Variants in COL11A1 observed in about 807,000 individuals in gnomAD.
COL11A1 encodes collagen type XI alpha 1 chain.
A neutral mutation model predicts 265.2 loss-of-function variants in COL11A1; 74 were observed. That is an observed-to-expected ratio of 0.28 (90% CI 0.23 to 0.34). COL11A1 has a LOEUF of 0.34. Ranked by LOEUF, COL11A1 falls within the 10% of genes least tolerant of loss-of-function variation. The pLI, the probability that COL11A1 is intolerant of heterozygous loss-of-function variation, is 1.00. For missense variants in COL11A1, 2,165 were observed against 2,263.6 expected (o/e 0.96, Z 0.88); for synonymous variants, 816 against 727.6 (o/e 1.12, Z -1.96).
At chr1:102,995,745 T>C in intron 28 of COL11A1, 119 bp downstream of exon 28, 1 of 816,184 alleles carries the variant, frequency 1.2e-6, no homozygotes, top group Admixed American at 2.1e-5. Flanking sequence ...AAAATTATAC[T>C]AGCATTGCGT....
rs1440070692 is a variant in COL11A1, at chr1:103,015,738, G to A, written c.1418C>T (p.Pro473Leu). ...GPPGDPGDRGPPGRPGLPGAD... is the reference protein window; with the variant it reads ...GPPGDPGDRGLPGRPGLPGAD... ...CCCTGGTAAGCCAGGACGTCCTGGG[G>A]GGCCCTAGAAAAATAAATGAAATAA... is the stretch of plus-strand genomic sequence containing the variant. Residue 473 changes from proline to leucine, a missense_variant, in exon 12 of 67, where the codon CCC (proline) becomes CTC (leucine). Transcript: ENST00000370096. 1.2e-6 allele frequency: 2 copies of A among 1,600,200 alleles called. No homozygotes were observed. Among genetic ancestry groups the A allele is most frequent in the Admixed American group, 1.7e-5 (1 of 58,998 alleles).
At chr1:102,946,524 T>C (rs1277970259) in intron 42 of COL11A1, among the ~76,000 whole-genome samples, 1 of 152,054 alleles carries the variant, frequency 6.6e-6, no homozygotes, top group African/African-American at 2.4e-5. Flanking sequence ...AGTTCACACT[T>C]TTCTAATGTA....
chr1:103,018,034 C>T (rs1237446910), intron 10 of COL11A1, 152 bp from the exon 11 acceptor site: 2 of 722,536 alleles, frequency 2.8e-6, no homozygotes, highest in South Asian at 1.7e-5. Context: ...TGTGAAAAGA[C>T]AACATATAGA....
intron 5 of COL11A1, among the ~76,000 whole-genome samples, chr1:103,028,235 A>C (rs1023919619): frequency 6.6e-6 from 1 of 151,924 alleles, no homozygotes; most frequent in Non-Finnish European, 1.5e-5. Context: ...GGTTTCACCA[A>C]GTTGGCCAGG....
At position 103,002,770 on chromosome 1, in the gene COL11A1, G is replaced by T. The variant is rs201849355; in HGVS notation, c.2020C>A (p.Pro674Thr). ...ACCATGTTCCCTTTTGGTCCTGGGG[G>T]GCCATCTACACCTGCCATACCCTGC... is the stretch of plus-strand genomic sequence containing the variant. ...GQPGMAGVDG[P>T]PGPKGNMGPQ... Residue 674 changes from proline (P) to threonine (T), a missense_variant, in exon 22 of 67, where the codon CCC (proline) becomes ACC (threonine). Pro to Thr is a conservative substitution (Grantham distance 38). Coordinates refer to ENST00000370096, the MANE Select transcript of COL11A1 (RefSeq NM_001854.4). 1.2e-6 allele frequency: 2 copies of T among 1,612,528 alleles called. No homozygotes were observed. Among genetic ancestry groups the T allele is most frequent in the Non-Finnish European group, 1.7e-6 (2 of 1,179,106 alleles).
intron 46 of COL11A1, among the ~76,000 whole-genome samples, chr1:102,929,646 G>C (rs1198608434): frequency 6.6e-6 from 1 of 152,084 alleles, no homozygotes; most frequent in East Asian, 1.9e-4. Flanking sequence ...TTGGTAGCTT[G>C]ATGGGGATGG....
At chr1:102,974,245 A>G (rs910783421) in intron 36 of COL11A1, among the ~76,000 whole-genome samples, 2 of 152,210 alleles carry the variant, frequency 1.3e-5, no homozygotes, top group African/African-American at 2.4e-5. Context: ...TTTAAATATG[A>G]AAACAAAGTA....
chr1:102,929,011 G>A (rs1476951421), intron 46 of COL11A1, among the ~76,000 whole-genome samples: 26 of 134,626 alleles, frequency 1.9e-4, no homozygotes, highest in African/African-American at 6.7e-4. Context: ...AGATGAGTAG[G>A]TTGTGAAAAT....
rs116123528 is a variant in COL11A1 at position 103,052,176 on chromosome 1, C to A, written c.652-20932G>T. Among the ~76,000 whole-genome samples the A allele has an allele frequency of 7.1e-3, 1,075 of 152,022 alleles. 14 individuals are homozygous for A. The highest frequency in any genetic ancestry group is 0.025 in the African/African-American group (1,021 of 41,454). ...TACTCTAAGTACCTTTTATTTGAAC[C>A]AATATTCAACAATTCATGTTTTCTT... On this transcript the variant is annotated intron_variant, in intron 4 of 66. Transcript: ENST00000370096.
At chr1:102,907,911 A>T (rs1654184149) in intron 54 of COL11A1, among the ~76,000 whole-genome samples, 1 of 152,052 alleles carries the variant, frequency 6.6e-6, no homozygotes, top group African/African-American at 2.4e-5. Context: ...GTCATCTAGG[A>T]TATGTGCTTA....
intron 46 of COL11A1, among the ~76,000 whole-genome samples, chr1:102,927,956 G>A (rs1009455608): frequency 6.6e-6 from 1 of 152,020 alleles, no homozygotes; most frequent in Non-Finnish European, 1.5e-5. Context: ...AGAGTCATAG[G>A]TCGAGTTTCT....
At chr1:103,059,422 C>A (rs190155207) in intron 4 of COL11A1, among the ~76,000 whole-genome samples, 4,556 of 151,368 alleles carry the variant, frequency 0.03, 261 homozygotes, top group African/African-American at 0.11. Context: ...TAAAAAAAAA[C>A]AAAACATAGT....
At chr1:103,075,896 G>A (rs1029938689) in intron 3 of COL11A1, among the ~76,000 whole-genome samples, 3 of 152,024 alleles carry the variant, frequency 2.0e-5, no homozygotes. Flanking sequence ...TGCTTGGTTT[G>A]AATTGAGCAA....
chr1:103,029,059 C>T (rs1167795739), intron 5 of COL11A1, among the ~76,000 whole-genome samples: 2 of 151,998 alleles, frequency 1.3e-5, no homozygotes, highest in African/African-American at 4.8e-5. Flanking sequence ...AGATCTCTTT[C>T]TCCATGGTGA....
intron 47 of COL11A1, among the ~76,000 whole-genome samples, chr1:102,922,440 A>G (rs1656090418): frequency 6.6e-6 from 1 of 152,160 alleles, no homozygotes; most frequent in Non-Finnish European, 1.5e-5. Context: ...TCTGTCGCCC[A>G]GGCTGGAGTG....
intron 46 of COL11A1, among the ~76,000 whole-genome samples, chr1:102,927,506 G>T (rs1158635256): frequency 2.0e-5 from 3 of 152,146 alleles, no homozygotes; most frequent in African/African-American, 7.2e-5. Flanking sequence ...CACGAGGTCA[G>T]GAGATCGAGA....
intron 5 of COL11A1, among the ~76,000 whole-genome samples, chr1:103,030,685 G>A (rs61815935): frequency 2.0e-3 from 311 of 152,122 alleles, no homozygotes; most frequent in Non-Finnish European, 3.7e-3. Context: ...AACACAGCCT[G>A]AAAACTTTAA....
At position 103,005,866 on chromosome 1, in the gene COL11A1, G is replaced by A. The variant is rs534777436; in HGVS notation, c.1817C>T (p.Pro606Leu). 3.8e-5 allele frequency: 62 copies of A among 1,613,206 alleles called. No homozygotes were observed. Among genetic ancestry groups the A allele is most frequent in the Non-Finnish European group, 4.9e-5 (58 of 1,179,916 alleles). The change falls in exon 18 of 67, where the codon CCG becomes CTG. Residue 606 changes from proline to leucine, a missense_variant. Transcript: ENST00000370096. Reference protein sequence around the residue: ...AKGDRGFDGLPGLPGDKGHRG... With the variant: ...AKGDRGFDGLLGLPGDKGHRG... Reference sequence around the variant, plus strand: ...GTGACCTTTGTCACCTGGCAGACCCGGAAGTCCATCAAACCCTCGATCTCC... The same window carrying A: ...GTGACCTTTGTCACCTGGCAGACCCAGAAGTCCATCAAACCCTCGATCTCC...
chr1:102,905,404 AAG>A lies in COL11A1; in HGVS notation c.4087-6412_4087-6411del, dbSNP rs763837276. ...TAAAATAAAAATTAAAAAAAAAGGA[AAG>A]AGAGAGAAAGGAAGGAAGGAAGAAA... On this transcript the variant is annotated intron_variant, in intron 54 of 66. Transcript: ENST00000370096. Among the ~76,000 whole-genome samples the A allele has an allele frequency of 5.8e-3, 872 of 151,050 alleles. 13 individuals carry two copies. The highest frequency in any genetic ancestry group is 0.02 in the African/African-American group (823 of 41,204).
Sources: allele counts gnomAD v4.1 joint callset (sites outside exome capture counted in the v4.1 genomes callset), GRCh38; gene constraint gnomAD v4.1.1; transcripts MANE v1.5; gene names NCBI Gene and HGNC (gene_info 2026-07-23, HGNC 2026-07-21).